Variants in EYS observed in about 807,000 individuals in gnomAD.
EYS encodes EGF-like photoreceptor maintenance factor, also known as protein eyes shut homolog.
EYS carries 250 observed loss-of-function variants against 282.1 expected under a neutral mutation model. The ratio of observed to expected loss-of-function variants is 0.89; its 90% CI spans 0.80 to 0.98. The LOEUF (loss-of-function observed/expected upper bound fraction) is 0.98, where lower values mean the gene tolerates loss of function less well. Among genes scored for constraint, EYS ranks in the 50% least tolerant of loss-of-function variants. The pLI is 0.00. For synonymous variants in EYS, 1,355 were observed against 1,282.9 expected (o/e 1.06, Z -1.20); for missense variants, 4,016 against 3,709.0 (o/e 1.08, Z -2.15).
At chr6:64,481,044 G>T (rs1413837086) in intron 26 of EYS, among the ~76,000 whole-genome samples, 1 of 151,110 alleles carries the variant, frequency 6.6e-6, no homozygotes, top group East Asian at 2.0e-4. Context: ...TTTTGAAAAA[G>T]TCCAATATTT....
chr6:65,686,960 T>A (rs1249387278), intron 1 of EYS, among the ~76,000 whole-genome samples: 1 of 152,006 alleles, frequency 6.6e-6, no homozygotes, highest in African/African-American at 2.4e-5. Context: ...TCGATTTTAT[T>A]AGAACACAAA....
At chr6:65,351,722 T>G (rs1244628808) in intron 9 of EYS, among the ~76,000 whole-genome samples, 1 of 151,740 alleles carries the variant, frequency 6.6e-6, no homozygotes, top group Non-Finnish European at 1.5e-5. Context: ...GTGAACTAAT[T>G]TGGTTGTAAC....
chr6:64,018,519 T>C (rs1769003584), intron 33 of EYS, among the ~76,000 whole-genome samples: 1 of 152,216 alleles, frequency 6.6e-6, no homozygotes, highest in East Asian at 1.9e-4. Flanking sequence ...TAGCAAAAAA[T>C]TTTTTGTGGT....
At chr6:64,754,281 A>G (rs889983715) in intron 22 of EYS, among the ~76,000 whole-genome samples, 1 of 152,146 alleles carries the variant, frequency 6.6e-6, no homozygotes, top group African/African-American at 2.4e-5. Context: ...CAACTTCCCA[A>G]TATTGAACCA....
At chr6:64,283,564 C>T (rs1768387466) in intron 30 of EYS, among the ~76,000 whole-genome samples, 1 of 152,146 alleles carries the variant, frequency 6.6e-6, no homozygotes, top group Non-Finnish European at 1.5e-5. Context: ...GAGGTGAACA[C>T]ACGCTTTTCA....
chr6:64,809,661 T>C (rs77883358), intron 22 of EYS, among the ~76,000 whole-genome samples: 6,681 of 152,204 alleles, frequency 0.044, 171 homozygotes, highest in East Asian at 0.07. Context: ...AATGAAATTA[T>C]GCCCTTTGCA....
chr6:64,432,301 AT>A (rs1209086127), intron 28 of EYS, among the ~76,000 whole-genome samples: 13 of 152,110 alleles, frequency 8.5e-5, no homozygotes, highest in Admixed American at 2.0e-4. Flanking sequence ...AAATAAAGTA[AT>A]TTTTTAAAAT....
At chr6:64,657,868 A>G (rs7452861) in intron 22 of EYS, among the ~76,000 whole-genome samples, 97,050 of 151,790 alleles carry the variant, frequency 0.64, 31,255 homozygotes, top group African/African-American at 0.71. Context: ...TCTTTTTGGC[A>G]TTCTCTGTAT....
intron 26 of EYS, among the ~76,000 whole-genome samples, chr6:64,444,421 T>C (rs1314907736): frequency 6.6e-6 from 1 of 152,156 alleles, no homozygotes; most frequent in African/African-American, 2.4e-5. Flanking sequence ...TTTATAGCTT[T>C]TAGAAAGAAA....
intron 32 of EYS, among the ~76,000 whole-genome samples, chr6:64,067,214 T>C (rs1303249436): frequency 1.3e-5 from 2 of 152,156 alleles, no homozygotes; most frequent in Non-Finnish European, 2.9e-5. Context: ...TGGAAGCCCA[T>C]GGATCTCTCT....
At chr6:63,902,194 C>T (rs1416277965) in intron 35 of EYS, among the ~76,000 whole-genome samples, 3 of 151,964 alleles carry the variant, frequency 2.0e-5, no homozygotes, top group Admixed American at 1.3e-4. Flanking sequence ...GTGCCTAGCC[C>T]TTGGATTTTT....
At chr6:64,620,885 A>G (rs1235299755) in intron 23 of EYS, among the ~76,000 whole-genome samples, 1 of 152,248 alleles carries the variant, frequency 6.6e-6, no homozygotes, top group Admixed American at 6.5e-5. Flanking sequence ...TTAAACTAAT[A>G]GTATTAACCT....
intron 1 of EYS, among the ~76,000 whole-genome samples, chr6:65,706,814 G>A (rs1374697864): frequency 6.6e-6 from 1 of 152,084 alleles, no homozygotes; most frequent in African/African-American, 2.4e-5. Flanking sequence ...AAAATCGAAA[G>A]CAATCATAAG....
chr6:63,824,358 T>G (rs1771400611), intron 36 of EYS, among the ~76,000 whole-genome samples: 1 of 152,204 alleles, frequency 6.6e-6, no homozygotes, highest in African/African-American at 2.4e-5. Context: ...ATTTTTACTG[T>G]GAGTGGCTTT....
chr6:64,740,880 A>G (rs796308074), intron 22 of EYS, among the ~76,000 whole-genome samples: 7 of 151,674 alleles, frequency 4.6e-5, no homozygotes, highest in South Asian at 4.2e-4. Context: ...CGCCTGGCTA[A>G]TTTTTTGTAT....
intron 5 of EYS, among the ~76,000 whole-genome samples, chr6:65,479,691 G>C (rs1332409151): frequency 6.6e-6 from 1 of 152,120 alleles, no homozygotes; most frequent in Non-Finnish European, 1.5e-5. Flanking sequence ...AACCTAAACA[G>C]AGGACTAAAA....
intron 26 of EYS, among the ~76,000 whole-genome samples, chr6:64,447,034 G>A (rs974789511): frequency 6.6e-6 from 1 of 151,740 alleles, no homozygotes; most frequent in Non-Finnish European, 1.5e-5. Context: ...GTTAAGTGAA[G>A]TATTAATTTG....
intron 30 of EYS, among the ~76,000 whole-genome samples, chr6:64,247,715 A>G (rs751040895): frequency 4.6e-4 from 70 of 152,306 alleles, no homozygotes; most frequent in South Asian, 6.2e-4. Context: ...TAAATGCTGC[A>G]TATGTACTAA....
chr6:65,243,821 A>G (rs1767113497), intron 12 of EYS, among the ~76,000 whole-genome samples: 1 of 152,178 alleles, frequency 6.6e-6, no homozygotes, highest in Non-Finnish European at 1.5e-5. Flanking sequence ...AGGCAGGAGC[A>G]TCACTTGAGT....
Sources: allele counts gnomAD v4.1 joint callset (sites outside exome capture counted in the v4.1 genomes callset), GRCh38; gene constraint gnomAD v4.1.1; transcripts MANE v1.5; gene names NCBI Gene and HGNC (gene_info 2026-07-23, HGNC 2026-07-21).